The following PDS5A variants were observed in gnomAD, a reference collection of about 807,000 sequenced individuals.
PDS5A encodes the protein sister chromatid cohesion protein PDS5 homolog A.
A neutral mutation model predicts 167.1 loss-of-function variants in PDS5A; 42 were observed. That is an observed-to-expected ratio of 0.25 (90% CI 0.20 to 0.33). The LOEUF is 0.33. Among genes scored for constraint, PDS5A ranks in the 10% least tolerant of loss-of-function variants. The probability of loss-of-function intolerance (pLI) is 1.00; values close to 1 mark genes in which losing one functional copy is unlikely to be tolerated. For missense variants in PDS5A, 1,033 were observed against 1,605.9 expected (o/e 0.64, Z 6.10); for synonymous variants, 553 against 554.6 (o/e 1.00, Z 0.04).
chr4:39,867,903 G>A (rs2109560426), intron 22 of PDS5A, among the ~76,000 whole-genome samples: 1 of 152,146 alleles, frequency 6.6e-6, no homozygotes, highest in East Asian at 1.9e-4. Context: ...CCAAAAAAAT[G>A]GGATTTTGTG....
At chr4:39,970,078 T>C (rs867683202) in intron 2 of PDS5A, among the ~76,000 whole-genome samples, 1 of 151,930 alleles carries the variant, frequency 6.6e-6, no homozygotes, top group East Asian at 1.9e-4. Context: ...TCTCGAACTC[T>C]TGACCTCGTG....
chr4:39,898,406 G>C lies in PDS5A; in HGVS notation c.1753C>G (p.Gln585Glu). The C allele has an allele frequency of 1.3e-6, 2 of 1,575,568 alleles. No homozygotes were observed. The highest frequency in any genetic ancestry group is 1.7e-6 in the Non-Finnish European group (2 of 1,160,372). Residue 585 changes from glutamine to glutamate, a missense_variant, in exon 16 of 33, where the codon CAA becomes GAA. Transcript: ENST00000303538. ...TTACTAACCACACAAATATCTGCTT[G>C]TTTGCAAGAACAGGTTGGGCTAATT... ...LLISPTCSCK[Q>E]ADICVREIAR... is the part of the protein sequence containing the mutation.
chr4:39,875,529 T>C (rs1009284797), intron 19 of PDS5A, among the ~76,000 whole-genome samples: 2 of 152,218 alleles, frequency 1.3e-5, no homozygotes, highest in African/African-American at 4.8e-5. Context: ...TGCCCTCTTA[T>C]GATAATGGAA....
intron 2 of PDS5A, among the ~76,000 whole-genome samples, chr4:39,962,626 A>G: frequency 6.6e-6 from 1 of 151,712 alleles, no homozygotes; most frequent in East Asian, 2.0e-4. Flanking sequence ...CAACATGGTG[A>G]AACCCCGTCT....
intron 2 of PDS5A, among the ~76,000 whole-genome samples, chr4:39,935,132 T>A (rs1726470115): frequency 6.6e-6 from 1 of 152,246 alleles, no homozygotes. Context: ...TATTGATTGA[T>A]TGATTGATTG....
intron 13 of PDS5A, 64 bp downstream of exon 13, chr4:39,902,283 G>T: frequency 4.2e-6 from 3 of 713,288 alleles, no homozygotes; most frequent in Non-Finnish European, 4.8e-6. Flanking sequence ...CAACTAATTA[G>T]ATAAGATGAA....
At position 39,879,832 on chromosome 4, in the gene PDS5A, C is replaced by T; in HGVS notation, c.1888G>A (p.Ala630Thr). ...GACTTATTCATCAATTTCACTAGTG[C>T]ACTATAAAAAGAAGAAAATATAAAT... ...PVHIDSEAIS[A>T]LVKLMNKSIE... Residue 630 changes from alanine (A) to threonine (T), a missense_variant and splice_region_variant, in exon 18 of 33, where the codon GCA becomes ACA. Transcript: ENST00000303538. 5 of 1,574,986 alleles carry T rather than the reference C, an allele frequency of 3.2e-6. No individual in the cohort carries two copies. Among genetic ancestry groups the T allele is most frequent in the Non-Finnish European group, 4.4e-6 (5 of 1,144,738 alleles).
intron 3 of PDS5A, among the ~76,000 whole-genome samples, chr4:39,927,698 T>C (rs1279281482): frequency 6.6e-6 from 1 of 152,222 alleles, no homozygotes; most frequent in East Asian, 1.9e-4. Context: ...GCTTTTGTGA[T>C]GAATTAGCCA....
At chr4:39,885,107 C>T (rs1409623289) in intron 17 of PDS5A, among the ~76,000 whole-genome samples, 1 of 150,692 alleles carries the variant, frequency 6.6e-6, no homozygotes, top group African/African-American at 2.4e-5. Context: ...ACTAAAAATA[C>T]AAAAAATTAA....
intron 2 of PDS5A, among the ~76,000 whole-genome samples, chr4:39,954,161 T>C (rs1728678469): frequency 2.0e-5 from 3 of 149,684 alleles, no homozygotes; most frequent in African/African-American, 7.4e-5. Context: ...GACAACATAG[T>C]GAGGCTCTAT....
In PDS5A at chr4:39,913,670, G is replaced by T. The variant is rs535405607; in HGVS notation, c.933C>A (p.Gly311=). The change falls in exon 9 of 33, where the codon GGC becomes GGA. Residue 311 remains glycine (G), a synonymous_variant. Transcript: ENST00000303538. The part of the protein sequence containing the change: ...AVVRLLAKLF[G]SKDSDLATQN... ...GTGTTGCCAAATCAGAATCTTTGGA[G>T]CCAAACAATTTAGCTAGAAGTCGAA... 1.9e-6 allele frequency: 3 copies of T among 1,612,508 alleles called. No individual in the cohort carries two copies. Among genetic ancestry groups the T allele is most frequent in the African/African-American group, 2.7e-5 (2 of 75,026 alleles).
chr4:39,917,035 TG>T lies in PDS5A; in HGVS notation c.876+12del. ...AAAATTAAAAAAAAAAAAAGAAAAC[TG>T]GTCAATCTTACCTTTAGTTTGAATT... On this transcript the variant is annotated intron_variant, in intron 8 of 32. Coordinates refer to ENST00000303538, the MANE Select transcript of PDS5A (RefSeq NM_001100399.2). 7.2e-7 allele frequency: 1 copy of T among 1,397,842 alleles called. No homozygotes were observed. The highest frequency in any genetic ancestry group is 2.8e-5 in the East Asian group (1 of 35,214). 86.6% of individuals were successfully genotyped at this position (1,397,842 alleles called of 1,614,324 possible). A position where few individuals can be genotyped will look rare whatever the true frequency, so the allele number is the denominator to read the frequency against.
intron 31 of PDS5A, among the ~76,000 whole-genome samples, chr4:39,840,137 G>A (rs929223410): frequency 2.6e-5 from 4 of 151,856 alleles, no homozygotes; most frequent in Non-Finnish European, 5.9e-5. Context: ...AAAAACAACT[G>A]AAAGAAGACC....
At chr4:39,957,528 G>C (rs953089483) in intron 2 of PDS5A, among the ~76,000 whole-genome samples, 3 of 152,136 alleles carry the variant, frequency 2.0e-5, no homozygotes, top group Admixed American at 6.6e-5. Flanking sequence ...ACAGTGGCCT[G>C]TAATCCTAGC....
At position 39,924,590 on chromosome 4, in the gene PDS5A, G is replaced by T. The variant is rs1414129957; in HGVS notation, c.527+1246C>A. On this transcript the variant is annotated intron_variant, in intron 5 of 32. Transcript: ENST00000303538. Reference sequence around the variant, plus strand: ...TGGAAATGTGCTGTTCAATATGCAAGCCATTTGCCACATATGGCTGGTGAA... The same window carrying T: ...TGGAAATGTGCTGTTCAATATGCAATCCATTTGCCACATATGGCTGGTGAA... Among the ~76,000 whole-genome samples, 3 of 152,194 alleles carry T rather than the reference G, an allele frequency of 2.0e-5. No homozygotes were observed. The East Asian group carries it at 5.8e-4, about 29-fold the overall frequency.
chr4:39,920,212 TTTTATA>T, intron 7 of PDS5A, 101 bp downstream of exon 7: 1 of 496,474 alleles, frequency 2.0e-6, no homozygotes, highest in East Asian at 3.6e-5. Flanking sequence ...ACATAAGTTA[TTTTATA>T]TTTATAAGCT....
At chr4:39,964,215 T>C (rs940840458) in intron 2 of PDS5A, among the ~76,000 whole-genome samples, 1 of 152,066 alleles carries the variant, frequency 6.6e-6, no homozygotes, top group African/African-American at 2.4e-5. Flanking sequence ...ACCTTATGGA[T>C]GTTAGAGGAA....
chr4:39,945,523 T>C (rs541240499), intron 2 of PDS5A, among the ~76,000 whole-genome samples: 1 of 151,180 alleles, frequency 6.6e-6, no homozygotes, highest in Admixed American at 6.6e-5. Context: ...TGCTTAGTAC[T>C]CTTACCTATA....
intron 2 of PDS5A, among the ~76,000 whole-genome samples, chr4:39,952,100 T>C (rs1189076114): frequency 6.6e-6 from 1 of 151,780 alleles, no homozygotes; most frequent in African/African-American, 2.4e-5. Flanking sequence ...GAGGCAGAGG[T>C]GGGCGGATTA....
Sources: gnomAD v4.1 joint callset for allele counts (sites outside exome capture counted in the v4.1 genomes callset) on GRCh38, gnomAD v4.1.1 for gene constraint, MANE v1.5 for transcripts, NCBI Gene and HGNC (gene_info 2026-07-23, HGNC 2026-07-21) for gene names.